Variants in PECR observed in about 807,000 individuals in gnomAD.
PECR encodes peroxisomal trans-2-enoyl-CoA reductase.
A neutral mutation model predicts 35.3 loss-of-function variants in PECR; 30 were observed. The ratio of observed to expected loss-of-function variants is 0.85; its 90% CI spans 0.64 to 1.15. The LOEUF (loss-of-function observed/expected upper bound fraction) is 1.15. Ranked by LOEUF, PECR falls within the 50% of genes most tolerant of loss-of-function variation. PECR has a pLI of 0.00. For missense variants in PECR, 392 were observed against 370.8 expected, an observed-to-expected ratio of 1.06 and a Z score of -0.47; for synonymous variants, 148 against 138.9, an observed-to-expected ratio of 1.07 and a Z score of -0.46.
Position 216,075,544 on chromosome 2 carries a change from T to C in PECR, c.124+6074A>G, listed in dbSNP as rs1695681507. On this transcript the variant is annotated intron_variant, in intron 1 of 7. Transcript: ENST00000265322. ...CTTATAATAAACTAGAAAAATATTA[T>C]ATATAATCCTTGCCTTTCATGCTAA... is the stretch of plus-strand genomic sequence containing the variant. Among the ~76,000 whole-genome samples the C allele has an allele frequency of 2.0e-5, 3 of 152,342 alleles. No homozygotes were observed. The South Asian group carries it at 6.2e-4, about 32-fold the overall frequency.
chr2:216,081,018 G>A (rs1001563708), intron 1 of PECR, among the ~76,000 whole-genome samples: 5 of 152,076 alleles, frequency 3.3e-5, no homozygotes, highest in African/African-American at 1.2e-4. Flanking sequence ...ATCTTATGTT[G>A]CAAATATTTT....
At chr2:216,060,163 GA>G (rs1695306534) in intron 3 of PECR, among the ~76,000 whole-genome samples, 2 of 152,068 alleles carry the variant, frequency 1.3e-5, no homozygotes, top group South Asian at 2.1e-4. Context: ...AAACATATAT[GA>G]AAAATATATG....
intron 5 of PECR, 105 bp downstream of exon 5, chr2:216,051,344 T>A: frequency 5.6e-6 from 4 of 714,724 alleles, no homozygotes; most frequent in South Asian, 1.5e-5. Context: ...TTAAAGTCAA[T>A]CTTTTATGCT....
intron 1 of PECR, among the ~76,000 whole-genome samples, chr2:216,069,150 T>C (rs1421772243): frequency 6.6e-6 from 1 of 151,562 alleles, no homozygotes. Flanking sequence ...AACCATGGTA[T>C]ATTAACTGTA....
intron 1 of PECR, among the ~76,000 whole-genome samples, chr2:216,067,771 G>C (rs1695495764): frequency 6.6e-6 from 1 of 151,678 alleles, no homozygotes; most frequent in Admixed American, 6.6e-5. Flanking sequence ...TGGCCAGGGT[G>C]GTCCCAATCT....
intron 1 of PECR, among the ~76,000 whole-genome samples, chr2:216,075,302 T>C (rs1287313352): frequency 6.6e-6 from 1 of 151,942 alleles, no homozygotes; most frequent in South Asian, 2.1e-4. Context: ...AAACAAGATA[T>C]TTAAGTAGGA....
At chr2:216,077,595 C>T (rs991248516) in intron 1 of PECR, among the ~76,000 whole-genome samples, 4 of 151,862 alleles carry the variant, frequency 2.6e-5, no homozygotes, top group African/African-American at 9.7e-5. Flanking sequence ...AGCACAAGGT[C>T]AAGAGTTCGA....
At chr2:216,060,774 C>A (rs1695323254) in intron 3 of PECR, among the ~76,000 whole-genome samples, 1 of 151,804 alleles carries the variant, frequency 6.6e-6, no homozygotes, top group South Asian at 2.1e-4. Flanking sequence ...GACACAGAAG[C>A]CAGATTAGCT....
chr2:216,038,365 C>A (rs1350068366), downstream of PECR: 1 of 152,148 alleles, frequency 6.6e-6, no homozygotes, highest in Non-Finnish European at 1.5e-5. Flanking sequence ...AAAATCAAGA[C>A]ACAAATCAGG....
At chr2:216,048,665 G>A (rs1695043165) in intron 6 of PECR, among the ~76,000 whole-genome samples, 2 of 151,742 alleles carry the variant, frequency 1.3e-5, no homozygotes, top group South Asian at 2.1e-4. Context: ...GGCCAAGATC[G>A]CGCCACTGCA....
chr2:216,047,914 TTTTTG>T (rs1324420825), intron 6 of PECR, among the ~76,000 whole-genome samples: 3 of 152,130 alleles, frequency 2.0e-5, no homozygotes, highest in African/African-American at 4.8e-5. Context: ...AAAAGGGGTT[TTTTTG>T]TTTTGTTTTG....
chr2:216,033,752 C>T (rs1035362456), downstream of PECR: 1 of 152,374 alleles, frequency 6.6e-6, no homozygotes, highest in Admixed American at 6.5e-5. Context: ...CTTGGCAAAT[C>T]TTAAGACTCT....
At chr2:216,042,860 G>A (rs192355200) in intron 7 of PECR, among the ~76,000 whole-genome samples, 4 of 148,374 alleles carry the variant, frequency 2.7e-5, no homozygotes, top group Admixed American at 6.7e-5. Context: ...GGGTTTACGT[G>A]ATTCTCCTAC....
downstream of PECR, among the ~76,000 whole-genome samples, chr2:216,035,486 T>A (rs1694778637): frequency 7.7e-6 from 1 of 129,334 alleles, no homozygotes; most frequent in South Asian, 2.4e-4. Context: ...TGGAGGGCTC[T>A]TCTTTTTTTT....
At chr2:216,059,926 T>A (rs1251585415) in intron 3 of PECR, among the ~76,000 whole-genome samples, 1 of 152,244 alleles carries the variant, frequency 6.6e-6, no homozygotes, top group Non-Finnish European at 1.5e-5. Context: ...ATCAGTTTGT[T>A]AATTTCTACA....
intron 6 of PECR, among the ~76,000 whole-genome samples, chr2:216,044,243 C>T (rs546380026): frequency 2.2e-4 from 34 of 152,106 alleles, no homozygotes; most frequent in Non-Finnish European, 4.4e-4. Flanking sequence ...GTAAAGGTGG[C>T]AAGGTATGAG....
At chr2:216,042,975 ATGTG>A (rs1343322386) in intron 7 of PECR, among the ~76,000 whole-genome samples, 6 of 66,764 alleles carry the variant, frequency 9.0e-5, no homozygotes, top group Middle Eastern at 6.6e-3. Context: ...ACATACGTAT[ATGTG>A]TATATATATA....
intron 4 of PECR, among the ~76,000 whole-genome samples, chr2:216,056,987 G>C (rs1695240488): frequency 6.6e-6 from 1 of 151,828 alleles, no homozygotes. Context: ...TTTTTTTCTA[G>C]CCAACCGAAT....
chr2:216,063,532 T>C (rs13403520), intron 3 of PECR, among the ~76,000 whole-genome samples: 18,668 of 151,702 alleles, frequency 0.12, 1,739 homozygotes, highest in African/African-American at 0.24. Context: ...GCAGGAAAAT[T>C]GCTTGAACCC....
Sources: allele counts gnomAD v4.1 joint callset (sites outside exome capture counted in the v4.1 genomes callset), GRCh38; gene constraint gnomAD v4.1.1; transcripts MANE v1.5; gene names NCBI Gene and HGNC (gene_info 2026-07-23, HGNC 2026-07-21).